Variants in ODF2 observed in about 807,000 individuals in gnomAD.
The protein encoded by ODF2 is outer dense fiber protein 2.
Under a neutral mutation model 110.2 loss-of-function variants are expected in ODF2, and 47 were observed. That is an observed-to-expected ratio of 0.43 (90% CI 0.34 to 0.54). ODF2 has a LOEUF of 0.54. Among genes scored for constraint, ODF2 ranks in the 20% least tolerant of loss-of-function variants. ODF2 has a pLI of 0.03. For missense variants in ODF2, 812 were observed against 1,054.5 expected (o/e 0.77, Z 3.19); for synonymous variants, 352 against 397.7 (o/e 0.89, Z 1.37).
chr9:128,471,506 C>T (rs1381681919), intron 6 of ODF2, 38 bp downstream of exon 6: 3 of 1,599,074 alleles, frequency 1.9e-6, no homozygotes, highest in African/African-American at 1.4e-5. Context: ...TGATCTATTC[C>T]TCCCTACCAG....
chr9:128,484,410 A>G (rs1842988730), intron 11 of ODF2, among the ~76,000 whole-genome samples: 1 of 152,120 alleles, frequency 6.6e-6, no homozygotes. Context: ...CCAAGGAACT[A>G]TCTCTGACCA....
At chr9:128,457,230 G>A (rs1224352140) in exon 2 of ODF2, 5 of 1,586,506 alleles carry the variant, frequency 3.2e-6, no homozygotes, top group African/African-American at 1.3e-5. Flanking sequence ...CAGTAGAGGA[G>A]CGCCTCCCAA....
chr9:128,500,106 G>A, exon 21 of ODF2: 2 of 1,614,274 alleles, frequency 1.2e-6, no homozygotes, highest in Non-Finnish European at 1.7e-6. Context: ...AGACCTGAAA[G>A]ATCGCCTGGA....
chr9:128,462,760 C>T (rs913856434), intron 4 of ODF2, among the ~76,000 whole-genome samples: 7 of 152,102 alleles, frequency 4.6e-5, no homozygotes, highest in South Asian at 2.1e-4. Flanking sequence ...CCACCATGCC[C>T]GGCTAATTTT....
chr9:128,460,368 A>G, intron 3 of ODF2, 182 bp from the exon 3 acceptor site: 1 of 1,430,884 alleles, frequency 7.0e-7, no homozygotes, highest in Non-Finnish European at 9.3e-7. Context: ...GGATCTCTGC[A>G]GGAGCCTGCT....
At chr9:128,482,725 C>A in intron 9 of ODF2, 91 bp from the exon 10 acceptor site, 1 of 916,278 alleles carries the variant, frequency 1.1e-6, no homozygotes, top group Non-Finnish European at 1.7e-6. Context: ...CCTTGGGCCC[C>A]AGTGGCCAGG....
At chr9:128,456,812 T>G (rs976588593) in intron 1 of ODF2, 3 of 1,086,504 alleles carry the variant, frequency 2.8e-6, no homozygotes, top group Admixed American at 3.8e-5. Flanking sequence ...TGCTCAGAAC[T>G]CTGTTCGGTT....
At chr9:128,459,683 C>T (rs1330560997) in intron 3 of ODF2, 26 bp downstream of exon 2, 3 of 1,565,430 alleles carry the variant, frequency 1.9e-6, no homozygotes. Flanking sequence ...ACGTAGCAGC[C>T]CTCTTTGGTC....
intron 18 of ODF2, 102 bp downstream of exon 18, chr9:128,496,243 A>G (rs1845541423): frequency 1.2e-5 from 19 of 1,560,254 alleles, no homozygotes; most frequent in Non-Finnish European, 1.6e-5. Flanking sequence ...GAGGGACTCG[A>G]GGCCCTGGAA....
At chr9:128,468,076 A>G (rs1013636800) in intron 4 of ODF2, among the ~76,000 whole-genome samples, 2 of 152,130 alleles carry the variant, frequency 1.3e-5, no homozygotes, top group Non-Finnish European at 2.9e-5. Flanking sequence ...TACCATGTGC[A>G]TTTATAATAT....
intron 5 of ODF2, among the ~76,000 whole-genome samples, chr9:128,470,457 C>A (rs1317764266): frequency 1.3e-5 from 2 of 151,692 alleles, no homozygotes; most frequent in African/African-American, 4.8e-5. Context: ...ATGGTGAAAC[C>A]CCATCTCTAC....
At chr9:128,492,371 A>G (rs1844778830) in intron 14 of ODF2, 55 bp from the exon 15 acceptor site, 2 of 1,161,868 alleles carry the variant, frequency 1.7e-6, no homozygotes, top group Admixed American at 1.7e-5. Flanking sequence ...TGAGGGTAGG[A>G]GGTCCACCTG....
exon 20 of ODF2, chr9:128,499,110 G>T (rs753303048): frequency 1.9e-6 from 3 of 1,614,192 alleles, no homozygotes; most frequent in South Asian, 1.1e-5. Context: ...AGCCAGCTGC[G>T]GCGGAGCCGT....
chr9:128,498,264 CT>C, intron 18 of ODF2, 148 bp from the exon 19 acceptor site: 1 of 1,242,428 alleles, frequency 8.0e-7, no homozygotes, highest in Non-Finnish European at 1.1e-6. Context: ...CCTTGCTGAT[CT>C]GCAGATTTCT....
rs180776150 is a variant in ODF2, at chr9:128,484,243, G to A, written c.1104+189G>A. 2.9e-4 allele frequency among the ~76,000 whole-genome samples: 44 copies of A among 152,332 alleles called. 1 individual carries two copies. In the East Asian group the frequency reaches 7.3e-3, roughly 25 times the overall value. On this transcript the variant is annotated intron_variant, in intron 11 of 20. Transcript: ENST00000604420. ...AGAGCAATGGACAGAGACCCAGGAG[G>A]TGTTGGGCATCCTTCCCAACAGTGA...
chr9:128,482,682 C>T (rs1842628770), intron 9 of ODF2, 134 bp from the exon 10 acceptor site: 4 of 551,578 alleles, frequency 7.3e-6, no homozygotes, highest in Admixed American at 7.3e-5. Flanking sequence ...TGCTTCCTAC[C>T]AGAATCTCTG....
chr9:128,499,433 G>A (rs1300681261), intron 20 of ODF2, among the ~76,000 whole-genome samples: 1 of 152,026 alleles, frequency 6.6e-6, no homozygotes, highest in Non-Finnish European at 1.5e-5. Context: ...GGGATTACAA[G>A]TATGTGCCAC....
rs780917763 is a variant in ODF2 at position 128,484,831 on chromosome 9, G to A, written c.1235G>A (p.Arg412Gln). 14 of 1,614,082 alleles carry A rather than the reference G, an allele frequency of 8.7e-6. No homozygotes were observed. In the Admixed American group the frequency reaches 1.3e-4, roughly 15 times the overall value. Reference sequence around the variant, plus strand: ...AAGGCCATCCGAGCCCAGAAGGAGCGAGCCGAGAAGAGCGAGGAGTATGCT... The same window carrying A: ...AAGGCCATCCGAGCCCAGAAGGAGCAAGCCGAGAAGAGCGAGGAGTATGCT... The change falls in exon 12 of 21, where the codon CGA becomes CAA. Residue 412 changes from arginine (R) to glutamine (Q), a missense_variant. Coordinates refer to ENST00000604420, the Ensembl canonical transcript of ODF2.
chr9:128,461,258 C>T (rs907355074), intron 4 of ODF2, 191 bp downstream of exon 4: 1 of 690,426 alleles, frequency 1.4e-6, no homozygotes, highest in South Asian at 2.0e-5. Flanking sequence ...GTGGGAAGTC[C>T]TGCTGTCCAA....
Sources: allele counts gnomAD v4.1 joint callset (sites outside exome capture counted in the v4.1 genomes callset), GRCh38; gene constraint gnomAD v4.1.1; transcripts MANE v1.5; gene names NCBI Gene and HGNC (gene_info 2026-07-23, HGNC 2026-07-21).